NOX3: variants seen among roughly 807,000 people sequenced by gnomAD.
NOX3 encodes the protein NADPH oxidase 3.
NOX3 carries 74 observed loss-of-function variants against 76.7 expected under a neutral mutation model. That is an observed-to-expected ratio of 0.96 (90% CI 0.80 to 1.17). NOX3 has a LOEUF of 1.17. Among genes scored for constraint, NOX3 ranks in the 50% most tolerant of loss-of-function variants. NOX3 has a pLI of 0.00. For missense variants in NOX3, 695 were observed against 703.3 expected (o/e 0.99, Z 0.13); for synonymous variants, 263 against 261.1 (o/e 1.01, Z -0.07).
At chr6:155,452,198 G>A (rs544832155) in intron 4 of NOX3, among the ~76,000 whole-genome samples, 5 of 152,230 alleles carry the variant, frequency 3.3e-5, no homozygotes, top group South Asian at 2.1e-4. Flanking sequence ...TATTCTTAGG[G>A]GAGCTTCATT....
chr6:155,405,991 C>T (rs1297224498), intron 12 of NOX3, among the ~76,000 whole-genome samples: 1 of 152,222 alleles, frequency 6.6e-6, no homozygotes, highest in Non-Finnish European at 1.5e-5. Flanking sequence ...TGCTCTCCCT[C>T]TCACCTCCTC....
rs574038898 is a variant in NOX3, at chr6:155,445,968, TA to T, written c.341-2551del. Among the ~76,000 whole-genome samples the T allele has an allele frequency of 2.3e-3, 229 of 98,872 alleles. 2 individuals are homozygous for T. The highest frequency in any genetic ancestry group is 0.023 in the South Asian group (62 of 2,680). 64.9% of individuals were successfully genotyped at this position (98,872 alleles called of 152,430 possible). A position where few individuals can be genotyped will look rare whatever the true frequency, so the allele number is the denominator to read the frequency against. On this transcript the variant is annotated intron_variant, in intron 4 of 13. Coordinates refer to ENST00000159060, the MANE Select transcript of NOX3 (RefSeq NM_015718.3). ...ATAATATATATATGCTATATATATA[TA>T]ATATATATATGCTATATATATATAT...
chr6:155,408,462 C>A (rs231964), intron 11 of NOX3, among the ~76,000 whole-genome samples: 3,966 of 152,220 alleles, frequency 0.026, 86 homozygotes, highest in African/African-American at 0.064. Context: ...TGGCTAACAA[C>A]CTTGCTGGGT....
intron 10 of NOX3, among the ~76,000 whole-genome samples, chr6:155,412,035 A>G (rs1199481614): frequency 1.3e-5 from 2 of 152,202 alleles, no homozygotes. Context: ...GGTTTGCTAA[A>G]ATAAAAGCTT....
At chr6:155,446,969 T>C (rs1327251396) in intron 4 of NOX3, among the ~76,000 whole-genome samples, 1 of 152,134 alleles carries the variant, frequency 6.6e-6, no homozygotes, top group Non-Finnish European at 1.5e-5. Context: ...CCATATATGA[T>C]AGTCAGAAAG....
In NOX3 at chr6:155,441,912, CA is replaced by C. The variant is rs1356641769; in HGVS notation, c.486+1360del. Among the ~76,000 whole-genome samples the C allele has an allele frequency of 3.3e-5, 5 of 152,290 alleles. No individual in the cohort carries two copies. The East Asian group carries it at 7.7e-4, about 24-fold the overall frequency. On this transcript the variant is annotated intron_variant, in intron 5 of 13. Coordinates refer to ENST00000159060, the MANE Select transcript of NOX3 (RefSeq NM_015718.3). Reference sequence around the variant, plus strand: ...ACAAAGGCATCCCCACTCATAAGGGCAGCTGTAGTTCTGATTCGGAAGTGTG... The same window carrying C: ...ACAAAGGCATCCCCACTCATAAGGGCGCTGTAGTTCTGATTCGGAAGTGTG...
chr6:155,415,125 GCTCTCTGTGTGT>G (rs1776607891), intron 10 of NOX3, among the ~76,000 whole-genome samples: 1 of 152,128 alleles, frequency 6.6e-6, no homozygotes, highest in South Asian at 2.1e-4. Context: ...ACAAGTTTGG[GCTCTCTGTGTGT>G]CCCTTCTCAT....
intron 4 of NOX3, among the ~76,000 whole-genome samples, chr6:155,451,936 G>C (rs1777149971): frequency 6.6e-6 from 1 of 152,088 alleles, no homozygotes; most frequent in Non-Finnish European, 1.5e-5. Flanking sequence ...CCTCTTTTCT[G>C]ATGTCTTTTG....
chr6:155,426,160 C>A (rs1353432990), intron 9 of NOX3, among the ~76,000 whole-genome samples: 7 of 152,266 alleles, frequency 4.6e-5, no homozygotes, highest in African/African-American at 1.7e-4. Flanking sequence ...GAAGGCTTTG[C>A]CACTAATACA....
chr6:155,396,958 T>A lies in NOX3; in HGVS notation c.1585A>T (p.Ser529Cys). Reference sequence around the variant, plus strand: ...GGTCCACAGAAGAACACGCCAATACTGCTGCTGCAGTAGGGGTAAGAAAAG... The same window carrying A: ...GGTCCACAGAAGAACACGCCAATACAGCTGCTGCAGTAGGGGTAAGAAAAG... ...KQIAYNHPSS[S>C]IGVFFCGPKA... Residue 529 changes from serine (S) to cysteine (C), a missense_variant, in exon 13 of 14, where the codon AGT becomes TGT. By Grantham distance (112) the Ser-to-Cys change is moderately radical (BLOSUM62 -1). Transcript: ENST00000159060. 1 of 1,606,796 alleles carries A rather than the reference T, an allele frequency of 6.2e-7. No homozygotes were observed. Among genetic ancestry groups the A allele is most frequent in the Non-Finnish European group, 8.5e-7 (1 of 1,176,940 alleles).
At chr6:155,453,530 C>A in intron 3 of NOX3, 42 bp from the exon 4 acceptor site, 1 of 1,422,698 alleles carries the variant, frequency 7.0e-7, no homozygotes, top group Middle Eastern at 1.8e-4. Flanking sequence ...GGAAAAATTG[C>A]AGTGAAAACA....
intron 5 of NOX3, among the ~76,000 whole-genome samples, chr6:155,440,518 A>G (rs1000623817): frequency 1.3e-5 from 2 of 152,014 alleles, no homozygotes; most frequent in African/African-American, 4.8e-5. Context: ...GTTTGAGCCT[A>G]TAGTCTCAGC....
rs571881942 is a variant in NOX3 at position 155,429,051 on chromosome 6, T to C, written c.892-4A>G. 11 of 1,564,962 alleles carry C rather than the reference T, an allele frequency of 7.0e-6. No individual in the cohort carries two copies. The highest frequency in any genetic ancestry group is 1.8e-5 in the Admixed American group (1 of 55,690). On this transcript the variant is annotated splice_region_variant and splice_polypyrimidine_tract_variant and intron_variant, in intron 8 of 13. Transcript: ENST00000159060. Reference sequence around the variant, plus strand: ...CTCCAGAGGGGTGGCTTACCACCTATGTGAGAGTGAGAGAGTTGTTTGCCT... The same window carrying C: ...CTCCAGAGGGGTGGCTTACCACCTACGTGAGAGTGAGAGAGTTGTTTGCCT...
intron 10 of NOX3, among the ~76,000 whole-genome samples, chr6:155,421,493 A>G (rs1157244867): frequency 6.6e-6 from 1 of 152,158 alleles, no homozygotes; most frequent in Non-Finnish European, 1.5e-5. Flanking sequence ...GATAGGTGTT[A>G]GGTGAGGAAA....
intron 6 of NOX3, among the ~76,000 whole-genome samples, chr6:155,438,041 C>T (rs1776933914): frequency 6.6e-6 from 1 of 152,180 alleles, no homozygotes; most frequent in African/African-American, 2.4e-5. Context: ...CAACGAAACA[C>T]TGCCCATTGA....
At chr6:155,444,524 G>A (rs944657629) in intron 4 of NOX3, among the ~76,000 whole-genome samples, 2 of 152,158 alleles carry the variant, frequency 1.3e-5, no homozygotes, top group Admixed American at 1.3e-4. Flanking sequence ...GTGAAAAGGT[G>A]AAAGTTCTCT....
chr6:155,422,592 C>T (rs898683466), intron 10 of NOX3, 102 bp downstream of exon 10: 1 of 1,130,542 alleles, frequency 8.8e-7, no homozygotes, highest in African/African-American at 1.5e-5. Context: ...GAGTTTATCC[C>T]TCATAGTTAA....
intron 11 of NOX3, 87 bp downstream of exon 11, chr6:155,411,127 G>T: frequency 9.2e-7 from 1 of 1,081,402 alleles, no homozygotes; most frequent in Non-Finnish European, 1.3e-6. Context: ...TGCTATCAGA[G>T]TGCTACATAG....
chr6:155,420,610 G>C (rs1278381885), intron 10 of NOX3, among the ~76,000 whole-genome samples: 1 of 152,130 alleles, frequency 6.6e-6, no homozygotes, highest in East Asian at 1.9e-4. Flanking sequence ...TCAGTATTGA[G>C]AATATTACCT....
Sources: allele counts gnomAD v4.1 joint callset (sites outside exome capture counted in the v4.1 genomes callset), GRCh38; gene constraint gnomAD v4.1.1; transcripts MANE v1.5; gene names NCBI Gene and HGNC (gene_info 2026-07-23, HGNC 2026-07-21).